Variants in HEPHL1 observed in about 807,000 individuals in gnomAD.
The protein encoded by HEPHL1 is ferroxidase HEPHL1.
HEPHL1 carries 123 observed loss-of-function variants against 122.0 expected under a neutral mutation model. The observed-to-expected ratio is 1.01, with a 90% CI of 0.87 to 1.17. The LOEUF (loss-of-function observed/expected upper bound fraction) is 1.17, where lower values mean the gene tolerates loss of function less well. Among genes scored for constraint, HEPHL1 ranks in the 50% most tolerant of loss-of-function variants. HEPHL1 has a pLI of 0.00. For missense variants in HEPHL1, 1,452 were observed against 1,430.5 expected (o/e 1.01, Z -0.24); for synonymous variants, 527 against 508.9 (o/e 1.04, Z -0.48).
chr11:94,048,656 C>T (rs1404512925), intron 2 of HEPHL1, among the ~76,000 whole-genome samples: 1 of 152,078 alleles, frequency 6.6e-6, no homozygotes, highest in Non-Finnish European at 1.5e-5. Flanking sequence ...GCCACTGTGC[C>T]CAGCCTGTGG....
At chr11:94,107,648 A>G (rs1389041475) in intron 17 of HEPHL1, among the ~76,000 whole-genome samples, 2 of 152,190 alleles carry the variant, frequency 1.3e-5, no homozygotes, top group Non-Finnish European at 2.9e-5. Flanking sequence ...AGGTTGTAGC[A>G]TCTTGAATCT....
rs978466361 is a variant in HEPHL1, at chr11:94,028,916, T to A, written c.170+7378T>A. ...TGCATAATATGTTCTCAATGGGTGG[T>A]TTGCTGTGTAGACACTAAAACAAAC... On this transcript the variant is annotated intron_variant, in intron 1 of 19. Coordinates refer to ENST00000315765, the MANE Select transcript of HEPHL1 (RefSeq NM_001098672.2). Among the ~76,000 whole-genome samples the A allele has an allele frequency of 4.6e-5, 7 of 151,918 alleles. No homozygotes were observed. The South Asian group carries it at 8.4e-4, about 18-fold the overall frequency.
intron 2 of HEPHL1, chr11:94,055,351 T>G (rs1409593060): frequency 4.2e-6 from 1 of 236,514 alleles, no homozygotes; most frequent in East Asian, 1.1e-4. Context: ...TCATCCAAGA[T>G]GAGCTCAAAG....
intron 16 of HEPHL1, among the ~76,000 whole-genome samples, chr11:94,105,443 CAA>C (rs1169494602): frequency 2.0e-5 from 3 of 152,272 alleles, no homozygotes; most frequent in African/African-American, 7.2e-5. Flanking sequence ...TGCACAGAAT[CAA>C]AAGTCAGTAG....
At chr11:94,079,836 C>T (rs1946154282) in intron 9 of HEPHL1, among the ~76,000 whole-genome samples, 2 of 152,084 alleles carry the variant, frequency 1.3e-5, no homozygotes, top group Non-Finnish European at 1.5e-5. Flanking sequence ...CCCTCCAGAG[C>T]ATGCAGCAGG....
At chr11:94,022,466 A>G (rs1945590083) in intron 1 of HEPHL1, among the ~76,000 whole-genome samples, 1 of 152,222 alleles carries the variant, frequency 6.6e-6, no homozygotes, top group South Asian at 2.1e-4. Context: ...AAAATTCAGG[A>G]ACAGCACAGG....
Position 94,111,907 on chromosome 11 carries a change from C to A in HEPHL1, c.*13C>A, listed in dbSNP as rs1442136693. ...GGATGCTCTGTGAACCATCTGGTCT[C>A]CCTCAACAGGAAAGGGTGATGTCCC... is the stretch of plus-strand genomic sequence containing the variant. On this transcript the variant is annotated 3_prime_UTR_variant, in exon 20 of 20. Transcript: ENST00000315765. The A allele has an allele frequency of 3.3e-6, 5 of 1,498,156 alleles. No individual in the cohort carries two copies. The highest frequency in any genetic ancestry group is 4.7e-5 in the Admixed American group (2 of 42,426). The allele number at this position is 1,498,156 out of a possible 1,614,324, so 92.8% of individuals were successfully genotyped here. A position where few individuals can be genotyped will look rare whatever the true frequency, so the allele number is the denominator to read the frequency against.
At position 94,084,373 on chromosome 11, in the gene HEPHL1, TAA is replaced by T. The variant is rs1372293298; in HGVS notation, c.1868-1602_1868-1601del. Among the ~76,000 whole-genome samples, 75 of 150,374 alleles carry T rather than the reference TAA, an allele frequency of 5.0e-4. No individual in the cohort carries two copies. In the South Asian group the frequency reaches 0.01, roughly 20 times the overall value. ...ATAAATAAATAAATAAATAAATAAATAAATATATAAATACAGGATATATCATT... is the reference window on the plus strand; with the variant it reads ...ATAAATAAATAAATAAATAAATAAATATATATAAATACAGGATATATCATT... On this transcript the variant is annotated intron_variant, in intron 10 of 19. Transcript: ENST00000315765.
chr11:94,090,782 G>A (rs942942448), intron 12 of HEPHL1, among the ~76,000 whole-genome samples: 1 of 152,128 alleles, frequency 6.6e-6, no homozygotes, highest in African/African-American at 2.4e-5. Context: ...CATGGTAGGA[G>A]CCCATCTGGT....
intron 12 of HEPHL1, 37 bp from the exon 13 acceptor site, chr11:94,093,464 T>G: frequency 6.2e-7 from 1 of 1,611,892 alleles, no homozygotes. Flanking sequence ...TTTTCTGCTT[T>G]CTGACAACTT....
intron 2 of HEPHL1, among the ~76,000 whole-genome samples, chr11:94,059,530 T>A (rs1219834022): frequency 6.6e-6 from 1 of 152,130 alleles, no homozygotes. Context: ...GGTAAAAAAA[T>A]TGTGTAAGTT....
At chr11:94,108,793 A>C (rs1229223577) in intron 17 of HEPHL1, among the ~76,000 whole-genome samples, 1 of 152,082 alleles carries the variant, frequency 6.6e-6, no homozygotes, top group Admixed American at 6.5e-5. Context: ...TGTTTTGATT[A>C]CTTTAGTATT....
intron 1 of HEPHL1, among the ~76,000 whole-genome samples, chr11:94,042,621 G>A (rs1472292998): frequency 1.5e-4 from 23 of 149,070 alleles, no homozygotes; most frequent in Admixed American, 8.1e-4. Flanking sequence ...AAACTATCGC[G>A]AGAACAAAAA....
rs117117717 is a variant in HEPHL1 at position 94,031,599 on chromosome 11, T to A, written c.170+10061T>A. Among the ~76,000 whole-genome samples, 694 of 152,334 alleles carry A rather than the reference T, an allele frequency of 4.6e-3. 3 individuals carry two copies. The highest frequency in any genetic ancestry group is 6.9e-3 in the Admixed American group (105 of 15,302). On this transcript the variant is annotated intron_variant, in intron 1 of 19. Transcript: ENST00000315765. ...TTTTTAAACAGGATTCCTCTCTTGATCACATTGTTTGGATTGGAAGCTGAA... is the reference window on the plus strand; with the variant it reads ...TTTTTAAACAGGATTCCTCTCTTGAACACATTGTTTGGATTGGAAGCTGAA...
chr11:94,104,160 G>T (rs1475629806), intron 15 of HEPHL1, among the ~76,000 whole-genome samples: 1 of 152,170 alleles, frequency 6.6e-6, no homozygotes, highest in East Asian at 1.9e-4. Flanking sequence ...GAAGTAGAGG[G>T]AGTGTTTGGG....
rs142650173 is a variant in HEPHL1 at position 94,032,046 on chromosome 11, C to T, written c.170+10508C>T. Among the ~76,000 whole-genome samples the T allele has an allele frequency of 4.6e-4, 70 of 152,346 alleles. No individual in the cohort carries two copies. The East Asian group carries it at 0.013, about 29-fold the overall frequency. ...GAGCATAACCTTTGGGGTCTCTTCACTCACCTCCCAAACCCCATCTCAAAC... is the reference window on the plus strand; with the variant it reads ...GAGCATAACCTTTGGGGTCTCTTCATTCACCTCCCAAACCCCATCTCAAAC... On this transcript the variant is annotated intron_variant, in intron 1 of 19. Transcript: ENST00000315765.
At chr11:94,101,392 T>A in intron 14 of HEPHL1, 57 bp downstream of exon 14, 4 of 1,563,972 alleles carry the variant, frequency 2.6e-6, no homozygotes, top group Non-Finnish European at 3.5e-6. Context: ...GTCAACTCTT[T>A]TCTGGTCTCA....
In HEPHL1 at chr11:94,032,343, G is replaced by A. The variant is rs77636214; in HGVS notation, c.170+10805G>A. ...AAGAGGCTTTGTTGCTGGTGGGTTT[G>A]ACCTGGCTTATGATTTTATTACGTG... On this transcript the variant is annotated intron_variant, in intron 1 of 19. Transcript: ENST00000315765. 3.2e-3 allele frequency among the ~76,000 whole-genome samples: 486 copies of A among 152,322 alleles called. 27 individuals carry two copies. The East Asian group carries it at 0.078, about 24-fold the overall frequency.
chr11:94,070,053 G>T (rs1339800127), intron 5 of HEPHL1, among the ~76,000 whole-genome samples: 1 of 151,996 alleles, frequency 6.6e-6, no homozygotes, highest in African/African-American at 2.4e-5. Context: ...TACTGTTAAG[G>T]TTGAACCTCT....
Sources: gnomAD v4.1 joint callset for allele counts (sites outside exome capture counted in the v4.1 genomes callset) on GRCh38, gnomAD v4.1.1 for gene constraint, MANE v1.5 for transcripts, NCBI Gene and HGNC (gene_info 2026-07-23, HGNC 2026-07-21) for gene names.